The following ENTREP2 variants were observed in gnomAD, a reference collection of about 807,000 sequenced individuals.
ENTREP2 encodes the protein endosomal transmembrane epsin interactor 2.
the ENTREP2 span, chr15:29,151,884 T>C: frequency 1.4e-6 from 2 of 1,457,204 alleles, no homozygotes; most frequent in South Asian, 2.4e-5. Context: ...CATCCCGAAA[T>C]AGATAGCAGA....
At chr15:29,562,327 G>A in the ENTREP2 span, among the ~76,000 whole-genome samples, 2 of 152,350 alleles carry the variant, frequency 1.3e-5, no homozygotes, top group African/African-American at 4.8e-5. Context: ...CTAATTTGGA[G>A]AGGTTTATGA....
At chr15:29,372,400 A>G in the ENTREP2 span, among the ~76,000 whole-genome samples, 1 of 152,216 alleles carries the variant, frequency 6.6e-6, no homozygotes, top group Non-Finnish European at 1.5e-5. Context: ...TCTAACATAC[A>G]AAATATGTGT....
chr15:29,517,553 T>C, the ENTREP2 span, among the ~76,000 whole-genome samples: 12 of 152,168 alleles, frequency 7.9e-5, no homozygotes, highest in African/African-American at 1.7e-4. Context: ...ACTTAAAAAA[T>C]TCTATAGCCT....
chr15:29,434,558 A>C, the ENTREP2 span, among the ~76,000 whole-genome samples: 1 of 152,220 alleles, frequency 6.6e-6, no homozygotes, highest in Non-Finnish European at 1.5e-5. Flanking sequence ...GAATACCCAG[A>C]TCACACAGAC....
chr15:29,424,071 T>A, the ENTREP2 span, among the ~76,000 whole-genome samples: 1 of 152,202 alleles, frequency 6.6e-6, no homozygotes, highest in Non-Finnish European at 1.5e-5. Flanking sequence ...TTCAGATGCG[T>A]CTGGAACTTT....
the ENTREP2 span, among the ~76,000 whole-genome samples, chr15:29,366,602 A>G: frequency 6.7e-4 from 102 of 152,048 alleles, no homozygotes; most frequent in Non-Finnish European, 1.1e-3. Flanking sequence ...CCCACACCCC[A>G]GCGCCAGGTG....
chr15:29,537,063 T>C, the ENTREP2 span, among the ~76,000 whole-genome samples: 2 of 152,186 alleles, frequency 1.3e-5, no homozygotes, highest in Admixed American at 6.5e-5. Context: ...TAATACACCT[T>C]CTTTCTTCTG....
the ENTREP2 span, among the ~76,000 whole-genome samples, chr15:29,190,175 G>C: frequency 1.3e-5 from 2 of 152,184 alleles, no homozygotes; most frequent in South Asian, 4.1e-4. Context: ...CTGCACCATC[G>C]GTCAATGGAC....
chr15:29,498,044 G>A, the ENTREP2 span, among the ~76,000 whole-genome samples: 2 of 152,132 alleles, frequency 1.3e-5, no homozygotes, highest in Non-Finnish European at 2.9e-5. Flanking sequence ...GAAGTGACTG[G>A]ATCACAGAGG....
the ENTREP2 span, among the ~76,000 whole-genome samples, chr15:29,499,723 T>C: frequency 2.3e-3 from 344 of 152,248 alleles, 1 homozygote; most frequent in African/African-American, 8.0e-3. Context: ...TACTTTCTGA[T>C]AGTGAAGTGT....
chr15:29,185,067 A>G, the ENTREP2 span, among the ~76,000 whole-genome samples: 2 of 151,540 alleles, frequency 1.3e-5, no homozygotes, highest in African/African-American at 4.9e-5. Context: ...GCAACAGAAC[A>G]AGACTCTGTC....
the ENTREP2 span, among the ~76,000 whole-genome samples, chr15:29,172,765 C>T: frequency 3.3e-5 from 5 of 152,234 alleles, no homozygotes; most frequent in South Asian, 2.1e-4. Context: ...CGTGTTGACC[C>T]GGCTACCAAC....
chr15:29,142,050 C>A, the ENTREP2 span, among the ~76,000 whole-genome samples: 26 of 152,204 alleles, frequency 1.7e-4, no homozygotes, highest in Non-Finnish European at 3.2e-4. Flanking sequence ...TAAAGGAGGG[C>A]AGCCAAGCAG....
At chr15:29,268,463 C>T in the ENTREP2 span, 2,811 of 291,110 alleles carry the variant, frequency 9.7e-3, 17 homozygotes, top group Non-Finnish European at 0.013. Flanking sequence ...ATTTTCTTGG[C>T]ACCAAAGCAA....
At chr15:29,459,247 A>G in the ENTREP2 span, among the ~76,000 whole-genome samples, 2 of 152,204 alleles carry the variant, frequency 1.3e-5, no homozygotes, top group African/African-American at 4.8e-5. Flanking sequence ...TTAAGAATGC[A>G]GTTTCAAAGA....
At chr15:29,383,423 G>A in the ENTREP2 span, among the ~76,000 whole-genome samples, 2 of 152,322 alleles carry the variant, frequency 1.3e-5, no homozygotes, top group Admixed American at 6.5e-5. Flanking sequence ...GGGAGGAACA[G>A]GAGGCTAAGG....
the ENTREP2 span, among the ~76,000 whole-genome samples, chr15:29,160,289 C>G: frequency 6.6e-6 from 1 of 152,194 alleles, no homozygotes; most frequent in Non-Finnish European, 1.5e-5. Context: ...GTGAGGGAAC[C>G]GACTCTGGCC....
the ENTREP2 span, among the ~76,000 whole-genome samples, chr15:29,522,426 A>T: frequency 6.6e-6 from 1 of 152,254 alleles, no homozygotes; most frequent in Non-Finnish European, 1.5e-5. Flanking sequence ...TTGAAGACCA[A>T]TGAAAATTCT....
At chr15:29,208,830 G>A in the ENTREP2 span, among the ~76,000 whole-genome samples, 1 of 152,156 alleles carries the variant, frequency 6.6e-6, no homozygotes, top group African/African-American at 2.4e-5. Flanking sequence ...ACAAAACTGC[G>A]AGGTACTCAC....
Sources: allele counts gnomAD v4.1 joint callset (sites outside exome capture counted in the v4.1 genomes callset), GRCh38; gene constraint gnomAD v4.1.1; transcripts MANE v1.5; gene names NCBI Gene and HGNC (gene_info 2026-07-23, HGNC 2026-07-21).